CHODL: variants seen among roughly 807,000 people sequenced by gnomAD.
CHODL encodes the protein chondrolectin, also known as transmembrane protein MT75.
CHODL carries 29 observed loss-of-function variants against 34.5 expected under a neutral mutation model. That is an observed-to-expected ratio of 0.84 (90% confidence interval 0.63 to 1.15). CHODL has a LOEUF of 1.15. CHODL is among the 50% of genes most tolerant of loss of function. CHODL has a pLI of 0.00. For synonymous variants in CHODL, 125 were observed against 116.1 expected, an observed-to-expected ratio of 1.08 and a Z score of -0.49; for missense variants, 332 against 332.5, an observed-to-expected ratio of 1.00 and a Z score of 0.01.
intron 1 of CHODL, among the ~76,000 whole-genome samples, chr21:18,255,250 A>C (rs1010351418): frequency 2.0e-5 from 3 of 152,102 alleles, no homozygotes; most frequent in Non-Finnish European, 4.4e-5. Flanking sequence ...AATATGTAAT[A>C]AAACCACCAG....
At chr21:18,118,657 TAACTA>T (rs775643610) in intron 2 of CHODL, among the ~76,000 whole-genome samples, 1 of 152,150 alleles carries the variant, frequency 6.6e-6, no homozygotes, top group Non-Finnish European at 1.5e-5. Flanking sequence ...TCTAAATAAT[TAACTA>T]AGGAAGGAAT....
At chr21:18,022,986 A>G (rs138357252) in intron 1 of CHODL, among the ~76,000 whole-genome samples, 2 of 152,328 alleles carry the variant, frequency 1.3e-5, no homozygotes, top group East Asian at 3.9e-4. Context: ...AGGCAGGCAC[A>G]TGTTAAGCTG....
intron 2 of CHODL, among the ~76,000 whole-genome samples, chr21:18,159,687 G>T (rs2073074192): frequency 6.6e-6 from 1 of 152,190 alleles, no homozygotes; most frequent in Non-Finnish European, 1.5e-5. Context: ...CTTTGCAGGT[G>T]TGATTGGTTT....
At chr21:18,045,741 A>G (rs2064434575) in intron 2 of CHODL, among the ~76,000 whole-genome samples, 1 of 151,964 alleles carries the variant, frequency 6.6e-6, no homozygotes, top group South Asian at 2.1e-4. Context: ...AATTAGGTCA[A>G]GAGCACTTAT....
intron 2 of CHODL, among the ~76,000 whole-genome samples, chr21:18,224,355 A>G (rs2073911774): frequency 6.6e-6 from 1 of 152,158 alleles, no homozygotes; most frequent in Admixed American, 6.6e-5. Context: ...TCTCTGCCTT[A>G]CTTTCTTGTC....
chr21:18,116,927 G>A, intron 2 of CHODL, among the ~76,000 whole-genome samples: 1 of 152,168 alleles, frequency 6.6e-6, no homozygotes, highest in Non-Finnish European at 1.5e-5. Flanking sequence ...AGCACCAAGG[G>A]AAGCCAGGCC....
intron 2 of CHODL, among the ~76,000 whole-genome samples, chr21:18,195,749 T>G (rs2146700234): frequency 6.6e-6 from 1 of 152,332 alleles, no homozygotes; most frequent in South Asian, 2.1e-4. Context: ...GAAAGCAAAC[T>G]TAATGAAAGC....
chr21:17,926,333 A>G (rs1440381284), intron 1 of CHODL, among the ~76,000 whole-genome samples: 1 of 151,986 alleles, frequency 6.6e-6, no homozygotes, highest in Non-Finnish European at 1.5e-5. Flanking sequence ...CACAAGGACA[A>G]ATGATTAAGT....
intron 2 of CHODL, among the ~76,000 whole-genome samples, chr21:18,080,418 A>G (rs2146512945): frequency 6.6e-6 from 1 of 152,218 alleles, no homozygotes; most frequent in South Asian, 2.1e-4. Context: ...GCCAATGTCC[A>G]GAAGAGTTCT....
intron 2 of CHODL, among the ~76,000 whole-genome samples, chr21:18,057,709 A>G (rs149343): frequency 0.12 from 18,554 of 151,736 alleles, 1,191 homozygotes; most frequent in Middle Eastern, 0.16. Flanking sequence ...ATCTTATATA[A>G]CCCTGAAAGT....
chr21:17,990,281 C>T (rs992710698), intron 1 of CHODL, among the ~76,000 whole-genome samples: 1 of 152,098 alleles, frequency 6.6e-6, no homozygotes, highest in Non-Finnish European at 1.5e-5. Flanking sequence ...GTCTTTGACT[C>T]TCTGACTCTG....
intron 2 of CHODL, among the ~76,000 whole-genome samples, chr21:18,132,699 T>G (rs2072671458): frequency 6.6e-6 from 1 of 152,134 alleles, no homozygotes; most frequent in Admixed American, 6.6e-5. Flanking sequence ...CCAACTGTAT[T>G]TGCGTTCTTA....
At chr21:17,932,167 C>T (rs1455667078) in intron 1 of CHODL, among the ~76,000 whole-genome samples, 1 of 151,968 alleles carries the variant, frequency 6.6e-6, no homozygotes, top group Non-Finnish European at 1.5e-5. Flanking sequence ...AGACACTGCT[C>T]AAAAGAATAC....
At chr21:17,928,330 C>G (rs191752360) in intron 1 of CHODL, among the ~76,000 whole-genome samples, 4 of 151,992 alleles carry the variant, frequency 2.6e-5, no homozygotes, top group Non-Finnish European at 4.4e-5. Context: ...ATCATTAATG[C>G]AAATGAGTAA....
Position 18,267,140 on chromosome 21 carries a change from G to A in CHODL, c.*1102G>A, listed in dbSNP as rs2074473817. 6.6e-6 allele frequency: 1 copy of A among 152,170 alleles called. No homozygotes were observed. The highest frequency in any genetic ancestry group is 1.5e-5 in the Non-Finnish European group (1 of 68,024). The allele number at this position is 152,170 out of a possible 1,614,324, so 9.4% of individuals were successfully genotyped here. On this transcript the variant is annotated 3_prime_UTR_variant, in exon 6 of 6. Transcript: ENST00000299295. ...ACAAGCACAGCACACAGACATTTTA[G>A]GAAGGAAAGGAACTACGAAATCGTG... is the stretch of plus-strand genomic sequence containing the variant.
intron 1 of CHODL, among the ~76,000 whole-genome samples, chr21:17,917,903 G>GTGTGTA (rs2063153560): frequency 1.3e-5 from 2 of 152,118 alleles, no homozygotes; most frequent in African/African-American, 4.8e-5. Context: ...GTGTGTGTGT[G>GTGTGTA]TGTAGTTCTG....
At chr21:18,091,893 A>G (rs974592932) in intron 2 of CHODL, among the ~76,000 whole-genome samples, 1 of 152,176 alleles carries the variant, frequency 6.6e-6, no homozygotes, top group African/African-American at 2.4e-5. Flanking sequence ...AAAAGTGGGA[A>G]GGACTTTGTA....
intron 2 of CHODL, among the ~76,000 whole-genome samples, chr21:18,237,045 A>G (rs1402019794): frequency 6.6e-6 from 1 of 151,848 alleles, no homozygotes; most frequent in Non-Finnish European, 1.5e-5. Context: ...TGTGGTTTTA[A>G]AAAATCAGAG....
At position 18,213,459 on chromosome 21, in the gene CHODL, A is replaced by G. The variant is rs182678182; in HGVS notation, c.-44-43050A>G. On this transcript the variant is annotated intron_variant, in intron 2 of 6. Coordinates refer to the CHODL transcript ENST00000400127. ...TCTGTTTTGCCTGTGTTGGGACACA[A>G]AAAACACTTTTCAGTTATTGCAACT... 5.0e-3 allele frequency among the ~76,000 whole-genome samples: 768 copies of G among 152,194 alleles called. 5 individuals are homozygous for G. The highest frequency in any genetic ancestry group is 0.016 in the African/African-American group (683 of 41,552).
Sources: gnomAD v4.1 joint callset for allele counts (sites outside exome capture counted in the v4.1 genomes callset) on GRCh38, gnomAD v4.1.1 for gene constraint, MANE v1.5 for transcripts, NCBI Gene and HGNC (gene_info 2026-07-23, HGNC 2026-07-21) for gene names.